GPR39: variants seen among roughly 807,000 people sequenced by gnomAD.
GPR39 encodes the protein zinc sensing receptor.
In GPR39, 23 loss-of-function variants were observed where a neutral mutation model predicts 18.4. The observed-to-expected ratio is 1.25, with a 90% CI of 0.90 to 1.77. GPR39 has a LOEUF of 1.77. GPR39 is among the 40% of genes most tolerant of loss of function. GPR39 has a pLI of 0.00. For synonymous variants in GPR39, 280 were observed against 257.9 expected (o/e 1.09, Z -0.82); for missense variants, 647 against 602.4 (o/e 1.07, Z -0.78).
intron 1 of GPR39, among the ~76,000 whole-genome samples, chr2:132,548,132 C>G (rs56384577): frequency 3.7e-4 from 57 of 152,278 alleles, no homozygotes; most frequent in Non-Finnish European, 6.6e-4. Flanking sequence ...CTGTCTTTCT[C>G]CTCACTGTTT....
At chr2:132,531,060 A>G (rs1335559715) in intron 1 of GPR39, among the ~76,000 whole-genome samples, 1 of 152,232 alleles carries the variant, frequency 6.6e-6, no homozygotes, top group Non-Finnish European at 1.5e-5. Context: ...CAGACTGGCA[A>G]ATTGGATAAA....
intron 1 of GPR39, among the ~76,000 whole-genome samples, chr2:132,632,964 T>A (rs1681677926): frequency 6.6e-6 from 1 of 152,148 alleles, no homozygotes; most frequent in South Asian, 2.1e-4. Context: ...TAATAAGTAG[T>A]GGGGCTGAGA....
chr2:132,598,749 C>G (rs1375829765), intron 1 of GPR39, among the ~76,000 whole-genome samples: 1 of 152,082 alleles, frequency 6.6e-6, no homozygotes, highest in East Asian at 1.9e-4. Context: ...AAAATCCACA[C>G]CAGCATCCTA....
intron 1 of GPR39, among the ~76,000 whole-genome samples, chr2:132,589,688 T>G (rs1407885620): frequency 6.6e-6 from 1 of 152,198 alleles, no homozygotes; most frequent in Non-Finnish European, 1.5e-5. Context: ...GAAAGCCTAT[T>G]TGGTTTTATT....
At chr2:132,599,047 T>C (rs1680996987) in intron 1 of GPR39, among the ~76,000 whole-genome samples, 1 of 152,002 alleles carries the variant, frequency 6.6e-6, no homozygotes, top group Admixed American at 6.6e-5. Context: ...GTGGTGGTGA[T>C]CTCCAAACTG....
chr2:132,641,307 T>C (rs575708202), intron 1 of GPR39, among the ~76,000 whole-genome samples: 1 of 152,350 alleles, frequency 6.6e-6, no homozygotes, highest in African/African-American at 2.4e-5. Flanking sequence ...GAATGCATAC[T>C]CAGAGATTTA....
chr2:132,487,249 T>A (rs556904152), intron 1 of GPR39, among the ~76,000 whole-genome samples: 1 of 152,182 alleles, frequency 6.6e-6, no homozygotes, highest in Non-Finnish European at 1.5e-5. Flanking sequence ...GATATAGTAA[T>A]GATAAATGCA....
At chr2:132,542,079 T>G (rs115930601) in intron 1 of GPR39, among the ~76,000 whole-genome samples, 508 of 152,216 alleles carry the variant, frequency 3.3e-3, no homozygotes, top group African/African-American at 0.012. Flanking sequence ...ATCAACTCCC[T>G]AAGGCACCAC....
chr2:132,576,703 T>C (rs1680533798), intron 1 of GPR39, among the ~76,000 whole-genome samples: 1 of 152,074 alleles, frequency 6.6e-6, no homozygotes, highest in African/African-American at 2.4e-5. Flanking sequence ...GTCCTGAACA[T>C]TTTTTAAATT....
intron 1 of GPR39, among the ~76,000 whole-genome samples, chr2:132,563,458 C>CTTGGG (rs1309239613): frequency 6.6e-5 from 10 of 152,286 alleles, no homozygotes; most frequent in African/African-American, 2.4e-4. Flanking sequence ...CCTATAGTTC[C>CTTGGG]AGCTACTTGG....
chr2:132,446,781 G>A (rs1321064682), intron 1 of GPR39, among the ~76,000 whole-genome samples: 1 of 152,116 alleles, frequency 6.6e-6, no homozygotes, highest in Non-Finnish European at 1.5e-5. Flanking sequence ...GTAGAGAGCA[G>A]GGATGGGGCT....
chr2:132,537,896 A>G (rs978434736), intron 1 of GPR39, among the ~76,000 whole-genome samples: 1 of 151,982 alleles, frequency 6.6e-6, no homozygotes, highest in Non-Finnish European at 1.5e-5. Flanking sequence ...CAGCTCCATC[A>G]GGTCATTTAT....
chr2:132,643,163 A>G (rs1196332410), intron 1 of GPR39, among the ~76,000 whole-genome samples: 1 of 152,258 alleles, frequency 6.6e-6, no homozygotes, highest in Non-Finnish European at 1.5e-5. Flanking sequence ...GTGATTCAGA[A>G]TAAACTCTTG....
At chr2:132,492,321 T>C (rs1042877921) in intron 1 of GPR39, among the ~76,000 whole-genome samples, 2 of 143,588 alleles carry the variant, frequency 1.4e-5, no homozygotes, top group Non-Finnish European at 3.0e-5. Context: ...ACCATATATA[T>C]ACATACCATA....
chr2:132,567,859 G>A (rs1680378290), intron 1 of GPR39, among the ~76,000 whole-genome samples: 1 of 151,320 alleles, frequency 6.6e-6, no homozygotes. Flanking sequence ...CACGAGATCT[G>A]ATGGTTTTAA....
intron 1 of GPR39, among the ~76,000 whole-genome samples, chr2:132,547,532 T>C (rs35136430): frequency 0.12 from 18,895 of 152,274 alleles, 1,969 homozygotes; most frequent in East Asian, 0.54. Context: ...CTTTAATCTT[T>C]CGGCTGCTTT....
chr2:132,526,014 A>C (rs939282316), intron 1 of GPR39, among the ~76,000 whole-genome samples: 4 of 152,204 alleles, frequency 2.6e-5, no homozygotes, highest in African/African-American at 7.2e-5. Flanking sequence ...AAATGTGAGC[A>C]AAAAGGTCTG....
chr2:132,582,991 T>C (rs1337312690), intron 1 of GPR39, among the ~76,000 whole-genome samples: 2 of 149,904 alleles, frequency 1.3e-5, no homozygotes, highest in African/African-American at 2.5e-5. Flanking sequence ...TCACAGCTCA[T>C]TGCAGCCTTA....
At chr2:132,621,553 T>G (rs1406594490) in intron 1 of GPR39, among the ~76,000 whole-genome samples, 1 of 152,228 alleles carries the variant, frequency 6.6e-6, no homozygotes, top group Non-Finnish European at 1.5e-5. Flanking sequence ...GTGCCTGAGA[T>G]GTCGCTTATC....
Sources: allele counts gnomAD v4.1 joint callset (sites outside exome capture counted in the v4.1 genomes callset), GRCh38; gene constraint gnomAD v4.1.1; transcripts MANE v1.5; gene names NCBI Gene and HGNC (gene_info 2026-07-23, HGNC 2026-07-21).